SETD1B: variants seen among roughly 807,000 people sequenced by gnomAD.
SETD1B encodes the protein SET domain containing 1B, histone lysine methyltransferase.
Under a neutral mutation model 148.0 loss-of-function variants are expected in SETD1B, and 7 were observed. The observed-to-expected ratio is 0.05, with a 90% confidence interval of 0.03 to 0.09. SETD1B has a LOEUF of 0.09. SETD1B is among the 10% of genes least tolerant of loss of function. The pLI, the probability that SETD1B is intolerant of heterozygous loss-of-function variation, is 1.00. For missense variants in SETD1B, 2,155 were observed against 2,729.9 expected, an observed-to-expected ratio of 0.79 and a Z score of 4.69; for synonymous variants, 1,361 against 1,186.5, an observed-to-expected ratio of 1.15 and a Z score of -3.02.
At position 121,809,608 on chromosome 12, in the gene SETD1B, A is replaced by G; in HGVS notation, c.663A>G (p.Ser221=). The part of the protein sequence containing the change: ...SPIVNETLQL[S]DALKRLKDGG... ...ACATCTCTGTCTCTCCTTAGCTGTC[A>G]GATGCCCTGAAGCGCCTCAAGGATG... Residue 221 remains serine (S), a synonymous_variant, in exon 6 of 17, where the codon TCA becomes TCG. Transcript: ENST00000604567. 6.5e-7 allele frequency: 1 copy of G among 1,546,692 alleles called. No individual in the cohort carries two copies. The highest frequency in any genetic ancestry group is 8.7e-7 in the Non-Finnish European group (1 of 1,144,060).
intron 4 of SETD1B, among the ~76,000 whole-genome samples, chr12:121,807,444 T>TAAAAAAA (rs33988047): frequency 3.0e-5 from 4 of 132,760 alleles, no homozygotes; most frequent in Non-Finnish European, 6.4e-5. Context: ...TTCAATTCTG[T>TAAAAAAA]AAAAAAAAAA....
rs548889753 is a variant in SETD1B, at chr12:121,808,476, C to T, written c.657+156C>T. The stretch of plus-strand genomic sequence containing the variant: ...CCTAGGAGGGTGTGAAGCCTGGCCA[C>T]GCCCCCCACAATTGGGAGCAGGGCC... On this transcript the variant is annotated intron_variant, in intron 5 of 16. Coordinates refer to ENST00000604567, the MANE Select transcript of SETD1B (RefSeq NM_001353345.2). This position sits in a 1 kb window ranked among gnomAD's most constrained non-coding sequence, Gnocchi z 5.3. Among the ~76,000 whole-genome samples the T allele has an allele frequency of 6.2e-4, 95 of 152,286 alleles. No homozygotes were observed. The highest frequency in any genetic ancestry group is 2.0e-3 in the African/African-American group (82 of 41,556).
the SETD1B span, chr12:121,793,434 G>T: frequency 1.3e-6 from 2 of 1,527,502 alleles, no homozygotes; most frequent in Middle Eastern, 2.1e-4. Flanking sequence ...TGAGGGTCGG[G>T]GCTCTGGGCT....
intron 11 of SETD1B, 43 bp from the exon 12 acceptor site, chr12:121,822,447 G>A: frequency 6.7e-7 from 1 of 1,491,484 alleles, no homozygotes; most frequent in Non-Finnish European, 9.0e-7. Flanking sequence ...AGAGACGTTT[G>A]GATTGAATAG....
intron 6 of SETD1B, among the ~76,000 whole-genome samples, chr12:121,813,822 C>T (rs1384906012): frequency 8.5e-5 from 13 of 152,196 alleles, no homozygotes. Flanking sequence ...TTGCCTGCCT[C>T]TTCAACTTTG....
At chr12:121,797,301 G>C in the SETD1B span, 69 of 384,982 alleles carry the variant, frequency 1.8e-4, no homozygotes, top group African/African-American at 7.1e-4. Context: ...CCTCCTGGCC[G>C]GCCCTTCCGC....
Position 121,814,370 on chromosome 12 carries a change from G to A in SETD1B, c.2155G>A (p.Ala719Thr). 9.7e-6 allele frequency: 5 copies of A among 514,954 alleles called. No individual in the cohort carries two copies. Among genetic ancestry groups the A allele is most frequent in the Non-Finnish European group, 1.5e-5 (5 of 337,188 alleles). 31.9% of individuals were successfully genotyped at this position (514,954 alleles called of 1,614,324 possible). Residue 719 changes from alanine to threonine, a missense_variant, in exon 7 of 17, where the codon GCC (alanine) becomes ACC (threonine). Around this residue, in one of 11 missense-constraint regions of SETD1B, gnomAD observed 295 missense variants for 303.8 expected, o/e 0.97. Transcript: ENST00000604567. ...CCCACCGCCGCCCCCACCCCCTCCAGCCCACCCTGCTGTGACAGTGCCCCC... is the reference window on the plus strand; with the variant it reads ...CCCACCGCCGCCCCCACCCCCTCCAACCCACCCTGCTGTGACAGTGCCCCC... ...LPPPPPPPPP[A>T]HPAVTVPPPP...
At position 121,817,219 on chromosome 12, in the gene SETD1B, G is replaced by A; in HGVS notation, c.2902G>A (p.Glu968Lys). The A allele has an allele frequency of 1.9e-6, 3 of 1,550,864 alleles. No homozygotes were observed. The highest frequency in any genetic ancestry group is 2.6e-6 in the Non-Finnish European group (3 of 1,146,952). Residue 968 changes from glutamate to lysine, a missense_variant, in exon 8 of 17, where the codon GAG becomes AAG. This residue lies in a region of SETD1B where 289 missense variants were observed against 423.7 expected (regional missense o/e 0.68). Coordinates refer to ENST00000604567, the MANE Select transcript of SETD1B (RefSeq NM_001353345.2). The surrounding 1 kb of genome is among the most constrained non-coding windows in gnomAD (Gnocchi z 8.1). ...GCCCTCCTTCAAGGTCAAGAGGAAGGAGCCACCAGACACCACCTCATCTGG... is the reference window on the plus strand; with the variant it reads ...GCCCTCCTTCAAGGTCAAGAGGAAGAAGCCACCAGACACCACCTCATCTGG... ...RLPSFKVKRK[E>K]PPDTTSSGDQ...
Position 121,809,684 on chromosome 12 carries a change from A to G in SETD1B, c.739A>G (p.Ser247Gly). 6.4e-7 allele frequency: 1 copy of G among 1,551,602 alleles called. No homozygotes were observed. Among genetic ancestry groups the G allele is most frequent in the Non-Finnish European group, 8.7e-7 (1 of 1,146,978 alleles). The change falls in exon 6 of 17, where the codon AGC (serine) becomes GGC (glycine). Residue 247 changes from serine to glycine, a missense_variant. By Grantham distance (56) the Ser-to-Gly change is moderately conservative (BLOSUM62 0). Coordinates refer to ENST00000604567, the MANE Select transcript of SETD1B (RefSeq NM_001353345.2). Reference sequence around the variant, plus strand: ...CGGCTCCTCCTCTGTCACCCCCAATAGCGGTGGGACACCCTTCTCCCAGGA... The same window carrying G: ...CGGCTCCTCCTCTGTCACCCCCAATGGCGGTGGGACACCCTTCTCCCAGGA... ...GSGSSSVTPN[S>G]GGTPFSQDTA... is the part of the protein sequence containing the mutation.
chr12:121,829,938 G>T, intron 16 of SETD1B, 128 bp from the exon 17 acceptor site: 2 of 785,118 alleles, frequency 2.5e-6, no homozygotes, highest in South Asian at 1.9e-5. Flanking sequence ...GTCCAGAGCA[G>T]AGCAGTGGGC....
chr12:121,810,316 C>A lies in SETD1B; in HGVS notation c.1371C>A (p.Pro457=). ...GCACGCCACCCGGCCCGCCGCCCCC[C>A]GACACCAACAGCATGGAGCTGGGCG... The part of the protein sequence containing the change: ...KPGTPPGPPP[P]DTNSMELGGR... The change falls in exon 6 of 17, where the codon CCC becomes CCA. Residue 457 remains proline, a synonymous_variant. Transcript: ENST00000604567. The surrounding 1 kb of genome is among the most constrained non-coding windows in gnomAD (Gnocchi z 7.6). 3 of 1,544,210 alleles carry A rather than the reference C, an allele frequency of 1.9e-6. No individual in the cohort carries two copies. The South Asian group carries it at 3.6e-5, about 18-fold the overall frequency.
chr12:121,793,088 C>T, the SETD1B span: 7 of 1,403,324 alleles, frequency 5.0e-6, no homozygotes, highest in Non-Finnish European at 6.9e-6. Flanking sequence ...GTGGGGGACG[C>T]CCGGGAGGGG....
At chr12:121,794,073 C>G in the SETD1B span, 3 of 161,752 alleles carry the variant, frequency 1.9e-5, no homozygotes, top group African/African-American at 7.2e-5. Context: ...GCACCGGGTT[C>G]GAGAAGCCCC....
In SETD1B at chr12:121,804,288, C is replaced by T. The variant is rs1404885021; in HGVS notation, c.-15+55C>T. 6.8e-6 allele frequency: 1 copy of T among 146,314 alleles called. No homozygotes were observed. Among genetic ancestry groups the T allele is most frequent in the South Asian group, 2.1e-4 (1 of 4,840 alleles). The allele number at this position is 146,314 out of a possible 1,614,324, so 9.1% of individuals were successfully genotyped here. ...CGGCCGGCAGCCGGGCGGCCCAAGC[C>T]CCCGGCCCCGGCCCTGGCCCGAGCG... is the stretch of plus-strand genomic sequence containing the variant. On this transcript the variant is annotated intron_variant, in intron 1 of 16. Transcript: ENST00000604567. The surrounding 1 kb of genome is among the most constrained non-coding windows in gnomAD (Gnocchi z 4.6).
At position 121,804,033 on chromosome 12, in the gene SETD1B, G is replaced by A. The variant is rs1028208569; in HGVS notation, c.-215G>A. 1 of 152,648 alleles carries A rather than the reference G, an allele frequency of 6.6e-6. No homozygotes were observed. The highest frequency in any genetic ancestry group is 1.5e-5 in the Non-Finnish European group (1 of 68,160). 9.5% of individuals were successfully genotyped at this position (152,648 alleles called of 1,614,324 possible). A position where few individuals can be genotyped will look rare whatever the true frequency, so the allele number is the denominator to read the frequency against. The stretch of plus-strand genomic sequence containing the variant: ...TGTATTGTGGGATGTGCGGCTACTG[G>A]GAGCCGAGCCTCCGCCGCCAGCCGC... On this transcript the variant is annotated 5_prime_UTR_variant, in exon 1 of 17. An upstream open reading frame in the 5' UTR gains an earlier in-frame stop. Coordinates refer to ENST00000604567, the MANE Select transcript of SETD1B (RefSeq NM_001353345.2). This position sits in a 1 kb window ranked among gnomAD's most constrained non-coding sequence, Gnocchi z 4.6.
chr12:121,813,681 A>C (rs1876145784), intron 6 of SETD1B, among the ~76,000 whole-genome samples: 1 of 152,176 alleles, frequency 6.6e-6, no homozygotes, highest in Admixed American at 6.5e-5. Flanking sequence ...AGAATCTCTG[A>C]AATTGCAACA....
rs1471037841 is a variant in SETD1B, at chr12:121,814,303, A to C, written c.2088A>C (p.Pro696=). 8.8e-4 allele frequency: 421 copies of C among 476,238 alleles called. No homozygotes were observed. Among genetic ancestry groups the C allele is most frequent in the African/African-American group, 4.9e-3 (63 of 12,752 alleles). The allele number at this position is 476,238 out of a possible 1,614,324, so 29.5% of individuals were successfully genotyped here. A position where few individuals can be genotyped will look rare whatever the true frequency, so the allele number is the denominator to read the frequency against. Residue 696 remains proline (P), a synonymous_variant, in exon 7 of 17, where the codon CCA becomes CCC. Coordinates refer to ENST00000604567, the MANE Select transcript of SETD1B (RefSeq NM_001353345.2). ...GFPPLPPPPP[P]PPPQPGFPMP... The stretch of plus-strand genomic sequence containing the variant: ...CCCCGCTGCCCCCCCCACCACCACC[A>C]CCCCCACCGCAGCCTGGCTTCCCCA...
At chr12:121,821,469 G>T (rs1876564868) in intron 11 of SETD1B, among the ~76,000 whole-genome samples, 1 of 149,272 alleles carries the variant, frequency 6.7e-6, no homozygotes, top group Non-Finnish European at 1.5e-5. Context: ...AAAGAAATGT[G>T]CCGGGCGCGG....
chr12:121,793,107 C>T, the SETD1B span: 1 of 1,506,296 alleles, frequency 6.6e-7, no homozygotes, highest in African/African-American at 1.4e-5. Flanking sequence ...GGAAACCCTT[C>T]GGGCGGGCGG....
Sources: gnomAD v4.1 joint callset for allele counts (sites outside exome capture counted in the v4.1 genomes callset) on GRCh38, gnomAD v4.1.1 for gene constraint, gnomAD v4.1.1 regional missense constraint, Gnocchi (gnomAD v3.1) non-coding constraint, MANE v1.5 for transcripts, NCBI Gene and HGNC (gene_info 2026-07-23, HGNC 2026-07-21) for gene names.